Variants in QTMAN observed in about 807,000 individuals in gnomAD.
The protein encoded by QTMAN is queuosine-tRNA mannosyltransferase.
the QTMAN span, among the ~76,000 whole-genome samples, chr2:144,189,516 T>C: frequency 1.3e-5 from 2 of 152,214 alleles, no homozygotes; most frequent in African/African-American, 4.8e-5. Flanking sequence ...AGCAGCACCA[T>C]ACTTCAGCTC....
the QTMAN span, among the ~76,000 whole-genome samples, chr2:144,046,838 A>G: frequency 1.1e-4 from 17 of 152,338 alleles, no homozygotes; most frequent in Middle Eastern, 3.4e-3. Context: ...TTCATTATGA[A>G]GATTAACGGT....
the QTMAN span, among the ~76,000 whole-genome samples, chr2:143,975,150 A>G: frequency 2.0e-5 from 3 of 152,220 alleles, no homozygotes; most frequent in African/African-American, 7.2e-5. Context: ...GAAAAGCATA[A>G]ACTGTTTCCA....
At chr2:144,330,404 A>C in the QTMAN span, among the ~76,000 whole-genome samples, 2 of 152,330 alleles carry the variant, frequency 1.3e-5, no homozygotes, top group Admixed American at 1.3e-4. Flanking sequence ...CACATTTCTC[A>C]GAACATACCT....
the QTMAN span, among the ~76,000 whole-genome samples, chr2:144,261,016 C>T: frequency 6.6e-6 from 1 of 152,114 alleles, no homozygotes; most frequent in African/African-American, 2.4e-5. Context: ...AACCATACTT[C>T]CCATTCTAGA....
At chr2:144,038,534 C>T in the QTMAN span, among the ~76,000 whole-genome samples, 1 of 152,086 alleles carries the variant, frequency 6.6e-6, no homozygotes, top group African/African-American at 2.4e-5. Flanking sequence ...TTCACAAAAA[C>T]AAGAAGCAAC....
the QTMAN span, among the ~76,000 whole-genome samples, chr2:144,175,187 A>T: frequency 5.3e-5 from 8 of 152,324 alleles, no homozygotes; most frequent in East Asian, 9.6e-4. Flanking sequence ...GATAATGTTG[A>T]TTAAAATAAG....
At chr2:144,110,591 G>C in the QTMAN span, among the ~76,000 whole-genome samples, 2 of 150,656 alleles carry the variant, frequency 1.3e-5, no homozygotes, top group Admixed American at 1.3e-4. Context: ...TAATAGGACT[G>C]TCCCAATATT....
chr2:144,262,116 T>C, the QTMAN span, among the ~76,000 whole-genome samples: 4 of 152,110 alleles, frequency 2.6e-5, no homozygotes, highest in East Asian at 3.9e-4. Flanking sequence ...CAATGATATA[T>C]ACATAAAAGG....
chr2:144,070,527 A>T, the QTMAN span, among the ~76,000 whole-genome samples: 1 of 152,126 alleles, frequency 6.6e-6, no homozygotes, highest in Non-Finnish European at 1.5e-5. Flanking sequence ...ACACAATACA[A>T]CATAAAATGA....
the QTMAN span, chr2:143,947,128 A>T: frequency 6.2e-7 from 1 of 1,612,596 alleles, no homozygotes. Context: ...AAACGGAGCG[A>T]TTTCACCCTG....
the QTMAN span, chr2:143,970,596 C>A: frequency 2.2e-6 from 2 of 889,266 alleles, no homozygotes; most frequent in South Asian, 1.4e-5. Flanking sequence ...TTAATACTTA[C>A]GTTGTAGAGC....
the QTMAN span, among the ~76,000 whole-genome samples, chr2:143,985,708 A>G: frequency 6.6e-6 from 1 of 151,546 alleles, no homozygotes; most frequent in South Asian, 2.1e-4. Context: ...ATTAATTTAC[A>G]ATGCTATTTT....
At chr2:144,008,448 G>T in the QTMAN span, among the ~76,000 whole-genome samples, 1 of 151,838 alleles carries the variant, frequency 6.6e-6, no homozygotes, top group East Asian at 1.9e-4. Flanking sequence ...GAGAATATGA[G>T]ATCAAAGGAA....
the QTMAN span, among the ~76,000 whole-genome samples, chr2:144,291,022 C>T: frequency 6.6e-6 from 1 of 152,182 alleles, no homozygotes; most frequent in Non-Finnish European, 1.5e-5. Context: ...GAATCTGTTT[C>T]AAGTCTCTCT....
the QTMAN span, among the ~76,000 whole-genome samples, chr2:143,961,245 C>T: frequency 6.6e-6 from 1 of 152,134 alleles, no homozygotes; most frequent in Non-Finnish European, 1.5e-5. Flanking sequence ...GTCAGAGACT[C>T]CTGTTCTGAT....
At chr2:143,994,380 T>C in the QTMAN span, among the ~76,000 whole-genome samples, 92 of 152,210 alleles carry the variant, frequency 6.0e-4, no homozygotes, top group Middle Eastern at 3.2e-3. Context: ...GTGATTCCAC[T>C]GCTAGGTATC....
the QTMAN span, among the ~76,000 whole-genome samples, chr2:144,024,549 A>T: frequency 2.7e-3 from 404 of 152,340 alleles, 5 homozygotes; most frequent in Admixed American, 0.022. Flanking sequence ...GGAAGAATAT[A>T]AAAAGTATAA....
At chr2:144,200,854 T>C in the QTMAN span, among the ~76,000 whole-genome samples, 2 of 152,302 alleles carry the variant, frequency 1.3e-5, no homozygotes, top group Admixed American at 1.3e-4. Flanking sequence ...TGTTTCTGTG[T>C]TTCTATGTAG....
the QTMAN span, among the ~76,000 whole-genome samples, chr2:143,949,080 T>C: frequency 6.6e-6 from 1 of 152,058 alleles, no homozygotes; most frequent in Non-Finnish European, 1.5e-5. Context: ...TTTGCATGTA[T>C]TGGATTTCTC....
Sources: gnomAD v4.1 joint callset for allele counts (sites outside exome capture counted in the v4.1 genomes callset) on GRCh38, gnomAD v4.1.1 for gene constraint, MANE v1.5 for transcripts, NCBI Gene and HGNC (gene_info 2026-07-23, HGNC 2026-07-21) for gene names.